EPG5: variants seen among roughly 807,000 people sequenced by gnomAD.
EPG5 encodes the protein ectopic P granules protein 5 homolog.
A neutral mutation model predicts 302.7 loss-of-function variants in EPG5; 159 were observed. The ratio of observed to expected loss-of-function variants is 0.53; its 90% CI spans 0.46 to 0.60. The LOEUF (loss-of-function observed/expected upper bound fraction) is 0.60. Ranked by LOEUF, EPG5 falls within the 20% of genes least tolerant of loss-of-function variation. The probability of loss-of-function intolerance (pLI) is 0.00; values close to 1 mark genes in which losing one functional copy is unlikely to be tolerated. For synonymous variants in EPG5, 1,158 were observed against 1,136.8 expected (o/e 1.02, Z -0.37); for missense variants, 2,896 against 3,092.4 (o/e 0.94, Z 1.51).
At chr18:45,911,538 C>G (rs879748767) in intron 22 of EPG5, among the ~76,000 whole-genome samples, 1 of 152,014 alleles carries the variant, frequency 6.6e-6, no homozygotes, top group Non-Finnish European at 1.5e-5. Flanking sequence ...ATGATCCACC[C>G]GCCTCGGCCT....
chr18:45,878,466 CA>C lies in EPG5; in HGVS notation c.5870-19del. ...TTTCAGCACTAAAAAGTTTTAGAGA[CA>C]AAACAAAGGTCATCATTTGTCATTT... is the stretch of plus-strand genomic sequence containing the variant. On this transcript the variant is annotated intron_variant, in intron 33 of 43. Coordinates refer to ENST00000282041, the MANE Select transcript of EPG5 (RefSeq NM_020964.3). The C allele has an allele frequency of 6.4e-7, 1 of 1,550,616 alleles. No homozygotes were observed.
At chr18:45,942,248 C>A (rs1010735028) in intron 9 of EPG5, among the ~76,000 whole-genome samples, 4 of 152,002 alleles carry the variant, frequency 2.6e-5, no homozygotes, top group Non-Finnish European at 4.4e-5. Context: ...GGACCCCCAC[C>A]CTTTTAGGGC....
At chr18:45,838,794 G>C in the EPG5 span, 2 of 1,561,274 alleles carry the variant, frequency 1.3e-6, no homozygotes, top group South Asian at 1.2e-5. Context: ...CTGCCGAAGG[G>C]GAGCCGCCGC....
chr18:45,872,972 G>C (rs551907884), intron 35 of EPG5, among the ~76,000 whole-genome samples: 204 of 152,284 alleles, frequency 1.3e-3, no homozygotes, highest in African/African-American at 4.7e-3. Context: ...ATTCTGTGAC[G>C]TCAGATAAAT....
chr18:45,830,057 G>A, the EPG5 span, among the ~76,000 whole-genome samples: 10 of 152,062 alleles, frequency 6.6e-5, 1 homozygote, highest in Admixed American at 3.9e-4. Context: ...CAAGTGACCC[G>A]TGCTCCGCCA....
intron 22 of EPG5, among the ~76,000 whole-genome samples, chr18:45,911,433 C>G (rs1338470728): frequency 6.6e-6 from 1 of 151,946 alleles, no homozygotes; most frequent in Non-Finnish European, 1.5e-5. Flanking sequence ...CTGCAGGCAC[C>G]CGCCACCACG....
rs1487279898 is a variant in EPG5, at chr18:45,848,917, C to T, written c.*3550G>A. ...TCTCAATGGCTGGGTGAAACCCTGT[C>T]TCTACTAAAAAATACAAAAATTAGC... On this transcript the variant is annotated 3_prime_UTR_variant, in exon 44 of 44. Coordinates refer to ENST00000282041, the MANE Select transcript of EPG5 (RefSeq NM_020964.3). 1.3e-5 allele frequency: 2 copies of T among 152,076 alleles called. No individual in the cohort carries two copies. Among genetic ancestry groups the T allele is most frequent in the African/African-American group, 2.4e-5 (1 of 41,408 alleles). The allele number at this position is 152,076 out of a possible 1,614,324, so 9.4% of individuals were successfully genotyped here. A position where few individuals can be genotyped will look rare whatever the true frequency, so the allele number is the denominator to read the frequency against.
intron 1 of EPG5, among the ~76,000 whole-genome samples, chr18:45,966,147 C>A (rs1165859857): frequency 2.0e-5 from 3 of 151,662 alleles, no homozygotes; most frequent in Non-Finnish European, 4.4e-5. Context: ...CCGAGGCGGG[C>A]GGATCACGAG....
chr18:45,868,221 G>T (rs979425886), intron 36 of EPG5: 46 of 453,870 alleles, frequency 1.0e-4, no homozygotes, highest in Non-Finnish European at 1.8e-4. Context: ...GCAGGTATGG[G>T]TTGGGAGCCA....
intron 17 of EPG5, among the ~76,000 whole-genome samples, chr18:45,917,203 TG>T: frequency 6.6e-6 from 1 of 152,286 alleles, no homozygotes; most frequent in East Asian, 1.9e-4. Flanking sequence ...CTTTCATCAC[TG>T]TTCATGAGGC....
At chr18:45,890,029 A>G in intron 27 of EPG5, 89 bp from the exon 28 acceptor site, 2 of 1,138,804 alleles carry the variant, frequency 1.8e-6, no homozygotes. Context: ...TTATTGTCTT[A>G]TAAAAATACC....
intron 43 of EPG5, 86 bp downstream of exon 43, chr18:45,855,487 G>T: frequency 2.3e-6 from 2 of 868,786 alleles, no homozygotes; most frequent in Non-Finnish European, 1.9e-6. Context: ...ATCATGTCAT[G>T]ACGCGCACAG....
At chr18:45,949,918 A>C (rs1196384332) in intron 4 of EPG5, among the ~76,000 whole-genome samples, 3 of 152,214 alleles carry the variant, frequency 2.0e-5, no homozygotes, top group African/African-American at 7.2e-5. Flanking sequence ...AAATCCAAAT[A>C]AGTATGCTTG....
chr18:45,859,239 G>C (rs1248607673), intron 40 of EPG5, among the ~76,000 whole-genome samples: 3 of 152,346 alleles, frequency 2.0e-5, no homozygotes, highest in Non-Finnish European at 4.4e-5. Flanking sequence ...TCAAAGCTTA[G>C]TTTAACTCAT....
chr18:45,846,778 G>A (rs2048368430), downstream of EPG5, among the ~76,000 whole-genome samples: 1 of 152,206 alleles, frequency 6.6e-6, no homozygotes, highest in African/African-American at 2.4e-5. Flanking sequence ...TACTCCATAG[G>A]CAGAGCAGCC....
chr18:45,956,757 T>C (rs2051043394), intron 1 of EPG5, among the ~76,000 whole-genome samples: 1 of 152,054 alleles, frequency 6.6e-6, no homozygotes, highest in Non-Finnish European at 1.5e-5. Context: ...TAATCATTGT[T>C]CCATGCCATA....
chr18:45,867,055 C>G, intron 37 of EPG5, 48 bp from the exon 38 acceptor site: 1 of 1,422,726 alleles, frequency 7.0e-7, no homozygotes, highest in South Asian at 1.2e-5. Flanking sequence ...CCAATTTTTC[C>G]AGAAATATGT....
At chr18:45,953,256 T>C in intron 2 of EPG5, 1 of 977,432 alleles carries the variant, frequency 1.0e-6, no homozygotes, top group Non-Finnish European at 1.2e-6. Context: ...TGATCTTACC[T>C]TCTATTTTAT....
At chr18:45,911,371 C>T (rs939076737) in intron 22 of EPG5, among the ~76,000 whole-genome samples, 3 of 151,858 alleles carry the variant, frequency 2.0e-5, no homozygotes, top group East Asian at 3.9e-4. Flanking sequence ...CTGCAAGCTC[C>T]GCCTCCTGGG....
Sources: gnomAD v4.1 joint callset for allele counts (sites outside exome capture counted in the v4.1 genomes callset) on GRCh38, gnomAD v4.1.1 for gene constraint, MANE v1.5 for transcripts, NCBI Gene and HGNC (gene_info 2026-07-23, HGNC 2026-07-21) for gene names.